The following DYNC2H1 variants were observed in gnomAD, a reference collection of about 807,000 sequenced individuals.
DYNC2H1 encodes cytoplasmic dynein 2 heavy chain 1.
Under a neutral mutation model 570.0 loss-of-function variants are expected in DYNC2H1, and 410 were observed. The ratio of observed to expected loss-of-function variants is 0.72; its 90% CI spans 0.66 to 0.78. The LOEUF (loss-of-function observed/expected upper bound fraction) is 0.78, where lower values mean the gene tolerates loss of function less well. Ranked by LOEUF, DYNC2H1 falls within the 30% of genes least tolerant of loss-of-function variation. DYNC2H1 has a pLI of 0.00. For missense variants in DYNC2H1, 4,865 were observed against 5,046.4 expected, an observed-to-expected ratio of 0.96 and a Z score of 1.09; for synonymous variants, 1,688 against 1,677.6, an observed-to-expected ratio of 1.01 and a Z score of -0.15.
At chr11:103,296,921 C>T (rs1866855242) in intron 75 of DYNC2H1, among the ~76,000 whole-genome samples, 1 of 151,972 alleles carries the variant, frequency 6.6e-6, no homozygotes, top group African/African-American at 2.4e-5. Context: ...ATTCCCCAAC[C>T]CTCTTAGGCT....
intron 17 of DYNC2H1, among the ~76,000 whole-genome samples, chr11:103,142,418 C>T (rs563466918): frequency 6.6e-6 from 1 of 152,126 alleles, no homozygotes; most frequent in Admixed American, 6.6e-5. Context: ...GCCTGTAATC[C>T]TGGCACTTTG....
At chr11:103,348,621 T>C (rs1480507838) in intron 82 of DYNC2H1, among the ~76,000 whole-genome samples, 1 of 152,196 alleles carries the variant, frequency 6.6e-6, no homozygotes, top group African/African-American at 2.4e-5. Flanking sequence ...GTGTTATGTA[T>C]ATTAGGAGCT....
At chr11:103,136,178 G>A (rs867476854) in intron 17 of DYNC2H1, among the ~76,000 whole-genome samples, 74 of 150,510 alleles carry the variant, frequency 4.9e-4, no homozygotes, top group South Asian at 4.2e-4. Flanking sequence ...TGACAATTGA[G>A]AAACTTGTTT....
chr11:103,178,818 T>C (rs904506067), intron 38 of DYNC2H1, among the ~76,000 whole-genome samples: 3 of 152,008 alleles, frequency 2.0e-5, no homozygotes, highest in Non-Finnish European at 2.9e-5. Flanking sequence ...TTTAGTGAAA[T>C]TGCCTATTTT....
chr11:103,305,272 T>G lies in DYNC2H1; in HGVS notation c.11382+552T>G, dbSNP rs533703079. 2.0e-4 allele frequency among the ~76,000 whole-genome samples: 30 copies of G among 152,278 alleles called. No homozygotes were observed. The highest frequency in any genetic ancestry group is 6.7e-4 in the African/African-American group (28 of 41,552). The stretch of plus-strand genomic sequence containing the variant: ...AGTTAAAGATGATTCTGAAGAGATA[T>G]TCCTTGAAAGTCAAATAGGATTTTG... On this transcript the variant is annotated intron_variant, in intron 77 of 88. Transcript: ENST00000375735. The surrounding 1 kb of genome is among the most constrained non-coding windows in gnomAD (Gnocchi z 4.3).
At chr11:103,346,145 T>C (rs1052150954) in intron 82 of DYNC2H1, among the ~76,000 whole-genome samples, 1 of 152,212 alleles carries the variant, frequency 6.6e-6, no homozygotes, top group Non-Finnish European at 1.5e-5. Context: ...ATTGCTAGTG[T>C]AATAATTTTA....
At chr11:103,263,503 C>A (rs2135284179) in intron 70 of DYNC2H1, among the ~76,000 whole-genome samples, 1 of 152,182 alleles carries the variant, frequency 6.6e-6, no homozygotes, top group Non-Finnish European at 1.5e-5. Flanking sequence ...GAAATCATAA[C>A]AAATAGTCTC....
Position 103,170,933 on chromosome 11 carries a change from G to A in DYNC2H1, c.5199G>A (p.Lys1733=). 2 of 1,600,726 alleles carry A rather than the reference G, an allele frequency of 1.2e-6. No homozygotes were observed. The highest frequency in any genetic ancestry group is 1.7e-6 in the Non-Finnish European group (2 of 1,171,030). The change falls in exon 34 of 89, where the codon AAG becomes AAA. Residue 1733 remains lysine, a synonymous_variant. Coordinates refer to ENST00000375735, the MANE Select transcript of DYNC2H1 (RefSeq NM_001377.3). This position sits in a 1 kb window ranked among gnomAD's most constrained non-coding sequence, Gnocchi z 4.8. The stretch of plus-strand genomic sequence containing the variant: ...GACGAATATTTGTTGGTTTGGTGAA[G>A]TGTGGGGCCTGGGGTTGTTTTGATG... ...SMGRIFVGLV[K]CGAWGCFDEF...
In DYNC2H1 at chr11:103,358,297, G is replaced by T; in HGVS notation, c.12094G>T (p.Asp4032Tyr). The T allele has an allele frequency of 6.3e-7, 1 of 1,594,456 alleles. No individual in the cohort carries two copies. Among genetic ancestry groups the T allele is most frequent in the Non-Finnish European group, 8.6e-7 (1 of 1,169,438 alleles). ...ATCCATAACAGCTGGTTCCAAATTT[G>T]ATAGAGAAATCTGGTCTAATGAACT... ...GRSITAGSKF[D>Y]REIWSNELSP... Residue 4032 changes from aspartate to tyrosine, a missense_variant, in exon 83 of 89, where the codon GAT becomes TAT. Around this residue, in one of 5 missense-constraint regions of DYNC2H1, gnomAD observed 2,401 missense variants for 2,454.6 expected, o/e 0.98. Coordinates refer to ENST00000375735, the MANE Select transcript of DYNC2H1 (RefSeq NM_001377.3).
At chr11:103,197,699 T>C (rs1278110798) in intron 47 of DYNC2H1, among the ~76,000 whole-genome samples, 2 of 152,140 alleles carry the variant, frequency 1.3e-5, no homozygotes, top group Non-Finnish European at 2.9e-5. Flanking sequence ...CCTCCTGCCT[T>C]GGCCTCCAAA....
chr11:103,193,567 G>A (rs56070826), intron 47 of DYNC2H1, among the ~76,000 whole-genome samples: 7,533 of 149,296 alleles, frequency 0.05, 254 homozygotes, highest in Non-Finnish European at 0.072. Flanking sequence ...ATTTTGAGAC[G>A]GGTTTCATTC....
At chr11:103,328,697 G>A (rs1017588812) in intron 82 of DYNC2H1, among the ~76,000 whole-genome samples, 6 of 152,146 alleles carry the variant, frequency 3.9e-5, no homozygotes, top group Admixed American at 3.3e-4. Flanking sequence ...ACTGCAAATT[G>A]TTGATTATAC....
chr11:103,164,209 T>C (rs1241233454), intron 30 of DYNC2H1, among the ~76,000 whole-genome samples: 1 of 73,598 alleles, frequency 1.4e-5, no homozygotes, highest in Non-Finnish European at 3.3e-5. Flanking sequence ...CAATATTGTA[T>C]AATATTTGGG....
chr11:103,208,752 T>C (rs1863034193), intron 52 of DYNC2H1, among the ~76,000 whole-genome samples: 1 of 152,126 alleles, frequency 6.6e-6, no homozygotes, highest in Non-Finnish European at 1.5e-5. Context: ...TATTATGTTA[T>C]GAATATGTTA....
At chr11:103,127,202 G>A (rs1859046771) in intron 12 of DYNC2H1, among the ~76,000 whole-genome samples, 1 of 152,152 alleles carries the variant, frequency 6.6e-6, no homozygotes, top group Admixed American at 6.5e-5. Context: ...AAAGCAGAGA[G>A]GCTTGCTTAC....
intron 1 of DYNC2H1, among the ~76,000 whole-genome samples, chr11:103,111,990 T>A (rs1388075002): frequency 3.9e-5 from 6 of 152,278 alleles, no homozygotes; most frequent in East Asian, 1.9e-4. Flanking sequence ...GTAACATAAT[T>A]TTGGGTATTG....
chr11:103,335,470 G>A (rs907022264), intron 82 of DYNC2H1, among the ~76,000 whole-genome samples: 1 of 126,648 alleles, frequency 7.9e-6, no homozygotes, highest in Non-Finnish European at 1.7e-5. Context: ...AAAATAGGAT[G>A]TTTGGTTGGC....
chr11:103,379,090 T>C (rs778590271), intron 83 of DYNC2H1, among the ~76,000 whole-genome samples: 1 of 152,214 alleles, frequency 6.6e-6, no homozygotes, highest in Non-Finnish European at 1.5e-5. Context: ...TTGATATTGC[T>C]CTTTTTTAGC....
chr11:103,168,991 A>C lies in DYNC2H1; in HGVS notation c.4968+31A>C, dbSNP rs565318628. On this transcript the variant is annotated intron_variant, in intron 32 of 88. Transcript: ENST00000375735. ...AGTTGTGGCAGTGTTTTATATTTCC[A>C]ATTAGAAATTATTTACTGTAAAGAA... The C allele has an allele frequency of 2.7e-5, 41 of 1,518,332 alleles. No individual in the cohort carries two copies. The South Asian group carries it at 2.9e-4, about 11-fold the overall frequency. 94.1% of individuals were successfully genotyped at this position (1,518,332 alleles called of 1,614,324 possible).
Sources: allele counts gnomAD v4.1 joint callset (sites outside exome capture counted in the v4.1 genomes callset), GRCh38; gene constraint gnomAD v4.1.1; regional missense constraint gnomAD v4.1.1; non-coding constraint Gnocchi (gnomAD v3.1); transcripts MANE v1.5; gene names NCBI Gene and HGNC (gene_info 2026-07-23, HGNC 2026-07-21).